The following ADAM29 variants were observed in gnomAD, a reference collection of about 807,000 sequenced individuals.
The protein encoded by ADAM29 is disintegrin and metalloproteinase domain-containing protein 29.
For synonymous variants in ADAM29, 367 were observed against 342.3 expected (o/e 1.07, Z -0.80); for missense variants, 969 against 1,001.8 (o/e 0.97, Z 0.44).
chr4:174,958,173 G>A (rs899762640), intron 4 of ADAM29, among the ~76,000 whole-genome samples: 2 of 151,498 alleles, frequency 1.3e-5, no homozygotes, highest in Admixed American at 1.3e-4. Context: ...TGATAAAATG[G>A]ATCAATACTG....
intron 4 of ADAM29, among the ~76,000 whole-genome samples, chr4:174,946,154 T>C (rs1259282768): frequency 6.6e-6 from 1 of 152,176 alleles, no homozygotes; most frequent in Non-Finnish European, 1.5e-5. Flanking sequence ...GTTTGTGTCA[T>C]TTTTGACTTC....
At chr4:174,919,463 T>C (rs1743048484) in intron 1 of ADAM29, among the ~76,000 whole-genome samples, 3 of 152,282 alleles carry the variant, frequency 2.0e-5, no homozygotes, top group Admixed American at 2.0e-4. Flanking sequence ...GGAGTTTGGG[T>C]AAGGCTTAAC....
intron 3 of ADAM29, among the ~76,000 whole-genome samples, chr4:174,935,566 G>T (rs568434582): frequency 6.6e-6 from 1 of 152,008 alleles, no homozygotes; most frequent in Non-Finnish European, 1.5e-5. Flanking sequence ...TTCTGATACA[G>T]TTGAGGCTTA....
chr4:174,957,206 C>G (rs1006000818), intron 4 of ADAM29, among the ~76,000 whole-genome samples: 11 of 151,806 alleles, frequency 7.2e-5, no homozygotes, highest in Non-Finnish European at 1.5e-4. Context: ...CAGTTCAGTT[C>G]TGTGTATTCT....
At position 174,931,139 on chromosome 4, in the gene ADAM29, G is replaced by A. The variant is rs927341251; in HGVS notation, c.-297G>A. The A allele has an allele frequency of 3.9e-5, 6 of 152,140 alleles. No individual in the cohort carries two copies. The highest frequency in any genetic ancestry group is 4.1e-4 in the South Asian group (2 of 4,820). The allele number at this position is 152,140 out of a possible 1,614,324, so 9.4% of individuals were successfully genotyped here. ...TGAGCCCCCATCCAGTCCTCTTTGC[G>A]TGGAATCAGACCTCTTTTGCAGTGG... On this transcript the variant is annotated 5_prime_UTR_variant, in exon 3 of 5. The change creates a new upstream start codon in the 5' untranslated region. Coordinates refer to ENST00000359240, the MANE Select transcript of ADAM29 (RefSeq NM_014269.4).
chr4:174,929,129 T>C (rs1265729899), intron 2 of ADAM29, among the ~76,000 whole-genome samples: 1 of 152,186 alleles, frequency 6.6e-6, no homozygotes, highest in Non-Finnish European at 1.5e-5. Context: ...ACATGTTGGT[T>C]TCTCTGTAAA....
intron 4 of ADAM29, among the ~76,000 whole-genome samples, chr4:174,945,125 T>C (rs540892940): frequency 6.6e-6 from 1 of 152,186 alleles, no homozygotes; most frequent in Non-Finnish European, 1.5e-5. Context: ...TAGACCTGTA[T>C]AAGCATTCCC....
At chr4:174,953,419 C>A (rs1745304837) in intron 4 of ADAM29, among the ~76,000 whole-genome samples, 2 of 152,018 alleles carry the variant, frequency 1.3e-5, no homozygotes, top group South Asian at 4.1e-4. Context: ...GTTCATTGAA[C>A]AAAAGGGCCT....
At chr4:174,931,440 G>T (rs961088021) in intron 3 of ADAM29, 3 of 152,100 alleles carry the variant, frequency 2.0e-5, no homozygotes, top group African/African-American at 7.2e-5. Flanking sequence ...ATTTCTTTTT[G>T]ATTCAAAATT....
chr4:174,957,491 GGGAC>G (rs1745569609), intron 4 of ADAM29, among the ~76,000 whole-genome samples: 2 of 151,696 alleles, frequency 1.3e-5, no homozygotes, highest in African/African-American at 4.8e-5. Flanking sequence ...TACCATTTCA[GGGAC>G]AAACTGTTTA....
rs919494999 is a variant in ADAM29, at chr4:174,960,526, A to G, written c.-180-14820A>G. Among the ~76,000 whole-genome samples the G allele has an allele frequency of 3.3e-5, 5 of 152,048 alleles. No homozygotes were observed. In the South Asian group the frequency reaches 1.0e-3, roughly 31 times the overall value. ...GGAGTTTTCTGTATTTTTTAGGTAT[A>G]TTGTTCTACAATTCTCAATTAAATC... On this transcript the variant is annotated intron_variant, in intron 4 of 4. Transcript: ENST00000359240.
Position 174,928,965 on chromosome 4 carries a change from T to A in ADAM29, c.-450-2021T>A, listed in dbSNP as rs146221964. Among the ~76,000 whole-genome samples the A allele has an allele frequency of 3.4e-3, 515 of 152,278 alleles. 2 individuals carry two copies. Among genetic ancestry groups the A allele is most frequent in the Non-Finnish European group, 5.9e-3 (398 of 68,020 alleles). On this transcript the variant is annotated intron_variant, in intron 2 of 4. Transcript: ENST00000359240. ...ATTTTAACTTTTCTAAAGTAACTGCTCTAAGAAAAGAGAGATCAAGGGCCT... is the reference window on the plus strand; with the variant it reads ...ATTTTAACTTTTCTAAAGTAACTGCACTAAGAAAAGAGAGATCAAGGGCCT...
intron 4 of ADAM29, among the ~76,000 whole-genome samples, chr4:174,961,454 G>T (rs978168623): frequency 1.1e-4 from 16 of 151,864 alleles, no homozygotes; most frequent in Admixed American, 3.3e-4. Context: ...AAATTATAAT[G>T]ACCCACATAG....
At chr4:174,960,886 T>A (rs1449707169) in intron 4 of ADAM29, among the ~76,000 whole-genome samples, 1 of 152,206 alleles carries the variant, frequency 6.6e-6, no homozygotes, top group Non-Finnish European at 1.5e-5. Flanking sequence ...AGACAGGAGA[T>A]TCATAGCAAC....
intron 4 of ADAM29, among the ~76,000 whole-genome samples, chr4:174,948,489 C>A (rs1744978545): frequency 1.3e-5 from 2 of 151,988 alleles, no homozygotes; most frequent in Admixed American, 1.3e-4. Flanking sequence ...TGGTACTGAG[C>A]CCCCCAGCTT....
At chr4:174,964,931 AAAATCAATGAACAGG>A (rs1356467827) in intron 4 of ADAM29, among the ~76,000 whole-genome samples, 2 of 152,116 alleles carry the variant, frequency 1.3e-5, no homozygotes, top group African/African-American at 4.8e-5. Context: ...AAAAACACAG[AAAATCAATGAACAGG>A]AGATGGTGGT....
chr4:174,973,461 T>C (rs1415357141), intron 4 of ADAM29, among the ~76,000 whole-genome samples: 1 of 152,208 alleles, frequency 6.6e-6, no homozygotes, highest in Non-Finnish European at 1.5e-5. Context: ...TCAGAATTTC[T>C]TACAAAGATA....
At chr4:174,954,219 G>A (rs1425646407) in intron 4 of ADAM29, among the ~76,000 whole-genome samples, 1 of 152,034 alleles carries the variant, frequency 6.6e-6, no homozygotes, top group African/African-American at 2.4e-5. Context: ...ATTAGATCTT[G>A]CCATTCCCTA....
At position 174,975,573 on chromosome 4, in the gene ADAM29, T is replaced by C; in HGVS notation, c.48T>C (p.Cys16=). 1 of 1,575,492 alleles carries C rather than the reference T, an allele frequency of 6.3e-7. No homozygotes were observed. Among genetic ancestry groups the C allele is most frequent in the South Asian group, 1.2e-5 (1 of 83,508 alleles). ...LLHCLGVFLS[C]SGHIQDEHPQ... ...ATTGCCTTGGGGTGTTTCTGTCCTGTTCTGGACACATCCAGGATGAGCACC... is the reference window on the plus strand; with the variant it reads ...ATTGCCTTGGGGTGTTTCTGTCCTGCTCTGGACACATCCAGGATGAGCACC... Residue 16 remains cysteine, a synonymous_variant, in exon 5 of 5, where the codon TGT becomes TGC. Transcript: ENST00000359240.
Sources: allele counts gnomAD v4.1 joint callset (sites outside exome capture counted in the v4.1 genomes callset), GRCh38; gene constraint gnomAD v4.1.1; transcripts MANE v1.5; gene names NCBI Gene and HGNC (gene_info 2026-07-23, HGNC 2026-07-21).